The following GOLGA8O variants were observed in gnomAD, a reference collection of about 807,000 sequenced individuals.
The protein encoded by GOLGA8O is golgin subfamily A member 8O.
GOLGA8O carries 4 observed loss-of-function variants against 29.7 expected under a neutral mutation model. That is an observed-to-expected ratio of 0.13 (90% confidence interval 0.07 to 0.31). The LOEUF is 0.31. Ranked by LOEUF, GOLGA8O falls within the 10% of genes least tolerant of loss-of-function variation. The pLI is 1.00. For missense variants in GOLGA8O, 32 were observed against 216.5 expected, an observed-to-expected ratio of 0.15 and a Z score of 5.35; for synonymous variants, 6 against 78.0, an observed-to-expected ratio of 0.08 and a Z score of 4.87.
At chr15:32,458,775 G>A (rs1456531034), upstream of GOLGA8O, among the ~76,000 whole-genome samples, 1 of 108,856 alleles carries the variant, frequency 9.2e-6, no homozygotes, top group Non-Finnish European at 1.9e-5. Flanking sequence ...AGCCTCCCAC[G>A]TAGCTGGGAC....
At chr15:32,445,747 C>G in intron 16 of GOLGA8O, 32 bp from the exon 17 acceptor site, 2 of 851,060 alleles carry the variant, frequency 2.4e-6, no homozygotes, top group South Asian at 2.0e-5. Flanking sequence ...ATTCTGGGGC[C>G]CCTCTGATGG....
chr15:32,446,046 A>G (rs2055072647), intron 15 of GOLGA8O, 148 bp from the exon 16 acceptor site: 1 of 493,784 alleles, frequency 2.0e-6, no homozygotes, highest in African/African-American at 2.3e-5. Context: ...CCACTCACAG[A>G]CTCGCCCCCA....
At chr15:32,450,551 ATG>A (rs879635340) in intron 8 of GOLGA8O, among the ~76,000 whole-genome samples, 6,285 of 125,222 alleles carry the variant, frequency 0.05, 30 homozygotes, top group East Asian at 0.18. Context: ...ACACACACAC[ATG>A]CACGCGTTTC....
chr15:32,444,201 TG>T lies in GOLGA8O; in HGVS notation c.*904del, dbSNP rs2055057140. On this transcript the variant is annotated 3_prime_UTR_variant, in exon 19 of 19. Coordinates refer to ENST00000509311, the MANE Select transcript of GOLGA8O (RefSeq NM_001277308.1). Reference sequence around the variant, plus strand: ...GGTAACATGAACTCTGACTTTAAAATGTATTGTAGATACAAATGCTCTAAGC... The same window carrying T: ...GGTAACATGAACTCTGACTTTAAAATTATTGTAGATACAAATGCTCTAAGC... Among the ~76,000 whole-genome samples, 1 of 97,660 alleles carries T rather than the reference TG, an allele frequency of 1.0e-5. No individual in the cohort carries two copies. Among genetic ancestry groups the T allele is most frequent in the Non-Finnish European group, 2.4e-5 (1 of 41,712 alleles). The allele number at this position is 97,660 out of a possible 152,430, so 64.1% of individuals were successfully genotyped here.
At chr15:32,461,111 A>AT in the GOLGA8O span, among the ~76,000 whole-genome samples, 1 of 23,838 alleles carries the variant, frequency 4.2e-5, no homozygotes, top group Non-Finnish European at 8.8e-5. Flanking sequence ...CATGCTTCAC[A>AT]TTTTCACTTC....
At chr15:32,446,295 C>T (rs1469676518) in intron 15 of GOLGA8O, among the ~76,000 whole-genome samples, 179 bp downstream of exon 15, 341 of 132,784 alleles carry the variant, frequency 2.6e-3, no homozygotes, top group East Asian at 7.7e-3. Flanking sequence ...CAGCCCCTTC[C>T]CTTGGGGCCT....
At chr15:32,446,148 C>T (rs1372517852) in intron 15 of GOLGA8O, 2 of 33,046 alleles carry the variant, frequency 6.1e-5, no homozygotes, top group East Asian at 1.9e-3. Flanking sequence ...ACCCTCTGCT[C>T]TTTCACCTGC....
At position 32,446,523 on chromosome 15, in the gene GOLGA8O, G is replaced by C; in HGVS notation, c.1319C>G (p.Pro440Arg). The stretch of plus-strand genomic sequence containing the variant: ...CTCTGGGACACTCGGCATGGGCCGA[G>C]GTGCCTCCTCCCCCTCACTGTCCAG... ...EHLDSEGEEA[P>R]RPMPSVPEDP... Residue 440 changes from proline (P) to arginine (R), a missense_variant, in exon 15 of 19, where the codon CCT (proline) becomes CGT (arginine). By Grantham distance (103) the Pro-to-Arg change is moderately radical. Transcript: ENST00000509311. 1 of 1,584,092 alleles carries C rather than the reference G, an allele frequency of 6.3e-7. No individual in the cohort carries two copies. The highest frequency in any genetic ancestry group is 8.5e-7 in the Non-Finnish European group (1 of 1,170,624).
At chr15:32,459,247 C>A (rs2055212362), upstream of GOLGA8O, among the ~76,000 whole-genome samples, 2 of 68,162 alleles carry the variant, frequency 2.9e-5, no homozygotes, top group Admixed American at 1.4e-4. Flanking sequence ...GAGCCAAGAT[C>A]ACATCATTGT....
In GOLGA8O at chr15:32,453,349, G is replaced by A. The variant is rs1416390404; in HGVS notation, c.168+354C>T. On this transcript the variant is annotated intron_variant, in intron 2 of 18. Transcript: ENST00000509311. ...TTGCTCTTTCACCAGGCTGGAGTGCGGTGGCATAATCTTGGCCACTGCAAG... is the reference window on the plus strand; with the variant it reads ...TTGCTCTTTCACCAGGCTGGAGTGCAGTGGCATAATCTTGGCCACTGCAAG... Among the ~76,000 whole-genome samples the A allele has an allele frequency of 1.6e-3, 116 of 71,388 alleles. 8 individuals carry two copies. The highest frequency in any genetic ancestry group is 4.4e-3 in the Admixed American group (32 of 7,322). The allele number at this position is 71,388 out of a possible 152,430, so 46.8% of individuals were successfully genotyped here. A position where few individuals can be genotyped will look rare whatever the true frequency, so the allele number is the denominator to read the frequency against.
rs1595689043 is a variant in GOLGA8O, at chr15:32,446,470, T to C, written c.1368+4A>G. On this transcript the variant is annotated splice_donor_region_variant and intron_variant, in intron 15 of 18. Coordinates refer to ENST00000509311, the MANE Select transcript of GOLGA8O (RefSeq NM_001277308.1). ...AAATGGGTGCAGGGGGGAGTCAGGC[T>C]CACCATGGCCTCCCTGCTCTCCGGG... is the stretch of plus-strand genomic sequence containing the variant. The C allele has an allele frequency of 1.3e-6, 2 of 1,573,834 alleles. No homozygotes were observed. Among genetic ancestry groups the C allele is most frequent in the East Asian group, 4.9e-5 (2 of 40,880 alleles).
intron 5 of GOLGA8O, 124 bp from the exon 6 acceptor site, chr15:32,451,462 GC>G: frequency 7.7e-7 from 1 of 1,291,520 alleles, no homozygotes; most frequent in South Asian, 1.2e-5. Context: ...GTTATCAGGG[GC>G]CCTGTGGGGA....
chr15:32,451,568 C>T (rs2055133374), intron 5 of GOLGA8O, 33 bp downstream of exon 5: 1 of 1,591,194 alleles, frequency 6.3e-7, no homozygotes, highest in African/African-American at 1.4e-5. Context: ...CCAAACCCAG[C>T]AGTCATGTCG....
chr15:32,451,109 G>C lies in GOLGA8O; in HGVS notation c.481+9C>G. The C allele has an allele frequency of 1.8e-6, 2 of 1,088,494 alleles. No homozygotes were observed. The highest frequency in any genetic ancestry group is 1.3e-6 in the Non-Finnish European group (1 of 769,346). 67.4% of individuals were successfully genotyped at this position (1,088,494 alleles called of 1,614,324 possible). On this transcript the variant is annotated intron_variant, in intron 7 of 18. Transcript: ENST00000509311. ...AGGTTGAAGGATGACAGGGTGCCCA[G>C]ATTCCCACCTTCAAAGTATCTGAGA...
chr15:32,458,406 C>G (rs1294985606), upstream of GOLGA8O, among the ~76,000 whole-genome samples: 5 of 99,958 alleles, frequency 5.0e-5, 2 homozygotes, highest in Non-Finnish European at 1.0e-4. Flanking sequence ...GCCCCATCTC[C>G]TTAAACAGAA....
upstream of GOLGA8O, among the ~76,000 whole-genome samples, chr15:32,458,627 ATT>A (rs1286828167): frequency 4.9e-5 from 4 of 81,518 alleles, no homozygotes; most frequent in Non-Finnish European, 7.7e-5. Context: ...ATTTATTTTT[ATT>A]TTTATTTATT....
At chr15:32,453,328 T>C in intron 2 of GOLGA8O, among the ~76,000 whole-genome samples, 1 of 78,294 alleles carries the variant, frequency 1.3e-5, no homozygotes, top group African/African-American at 5.7e-5. Context: ...AGAGTCTTGC[T>C]CTTTCACCAG....
At position 32,452,522 on chromosome 15, in the gene GOLGA8O, AT is replaced by A. The variant is rs1335829164; in HGVS notation, c.277del (p.Ile93SerfsTer4). On this transcript the variant is annotated frameshift_variant, in exon 4 of 19. Coordinates refer to ENST00000509311, the MANE Select transcript of GOLGA8O (RefSeq NM_001277308.1). LOFTEE classifies it high-confidence loss of function. ...TTTGATGGTGTTCTTCAGTCGACTG[AT>A]TTTTACGGACGTTGAATCCAGGACT... Reference protein sequence around the residue: ...AVVLDSTSVKISRLKNTIKSL... With the variant: ...AVVLDSTSVKXSRLKNTIKSL... The A allele has an allele frequency of 3.2e-6, 2 of 620,688 alleles. No individual in the cohort carries two copies. The highest frequency in any genetic ancestry group is 5.1e-6 in the Non-Finnish European group (2 of 391,348). The allele number at this position is 620,688 out of a possible 1,614,324, so 38.4% of individuals were successfully genotyped here. A position where few individuals can be genotyped will look rare whatever the true frequency, so the allele number is the denominator to read the frequency against.
In GOLGA8O at chr15:32,446,565, C is replaced by A. The variant is rs1414159952; in HGVS notation, c.1277G>T (p.Gly426Val). ...ACTGTCCAGATGTTCTCCTCCGTGT[C>A]CTGTGGGGGGTGGCCAGAGGGGTCT... is the stretch of plus-strand genomic sequence containing the variant. ...QLSLMALPGE[G>V]HGGEHLDSEG... is the part of the protein sequence containing the mutation. Residue 426 changes from glycine to valine, a missense_variant and splice_region_variant, in exon 15 of 19, where the codon GGA becomes GTA. By Grantham distance (109) the Gly-to-Val change is moderately radical. Coordinates refer to ENST00000509311, the MANE Select transcript of GOLGA8O (RefSeq NM_001277308.1). The A allele has an allele frequency of 6.3e-7, 1 of 1,575,900 alleles. No homozygotes were observed. The highest frequency in any genetic ancestry group is 8.6e-7 in the Non-Finnish European group (1 of 1,167,500).
Sources: gnomAD v4.1 joint callset for allele counts (sites outside exome capture counted in the v4.1 genomes callset) on GRCh38, gnomAD v4.1.1 for gene constraint, MANE v1.5 for transcripts, NCBI Gene and HGNC (gene_info 2026-07-23, HGNC 2026-07-21) for gene names.